The following GPC6 variants were observed in gnomAD, a reference collection of about 807,000 sequenced individuals.
GPC6 encodes the protein glypican-6.
GPC6 carries 14 observed loss-of-function variants against 55.2 expected under a neutral mutation model. That is an observed-to-expected ratio of 0.25 (90% CI 0.17 to 0.40). GPC6 has a LOEUF of 0.40. Among genes scored for constraint, GPC6 ranks in the 10% least tolerant of loss-of-function variants. The pLI is 1.00. For synonymous variants in GPC6, 278 were observed against 259.6 expected, an observed-to-expected ratio of 1.07 and a Z score of -0.68; for missense variants, 641 against 708.5, an observed-to-expected ratio of 0.90 and a Z score of 1.08.
At chr13:94,141,086 A>G (rs1344171471) in intron 4 of GPC6, among the ~76,000 whole-genome samples, 2 of 152,132 alleles carry the variant, frequency 1.3e-5, no homozygotes, top group East Asian at 3.9e-4. Flanking sequence ...CACAGTCTGA[A>G]GAGGTCCTGA....
intron 4 of GPC6, among the ~76,000 whole-genome samples, chr13:94,247,693 G>A (rs1891237437): frequency 6.6e-6 from 1 of 152,066 alleles, no homozygotes; most frequent in South Asian, 2.1e-4. Flanking sequence ...ATGTTTGGGG[G>A]TAAATCCTAC....
chr13:93,544,070 C>G (rs984901409), intron 1 of GPC6, among the ~76,000 whole-genome samples: 11 of 151,348 alleles, frequency 7.3e-5, no homozygotes, highest in Admixed American at 7.3e-4. Flanking sequence ...TCACGGTGAG[C>G]CTTTTTTTTT....
intron 1 of GPC6, among the ~76,000 whole-genome samples, chr13:93,488,114 C>T (rs962411782): frequency 5.9e-5 from 9 of 152,178 alleles, no homozygotes; most frequent in Middle Eastern, 3.4e-3. Flanking sequence ...TGCTATCCCT[C>T]CCCCCTCCTT....
At chr13:93,814,006 A>C (rs1054691304) in intron 2 of GPC6, among the ~76,000 whole-genome samples, 1 of 152,136 alleles carries the variant, frequency 6.6e-6, no homozygotes, top group African/African-American at 2.4e-5. Flanking sequence ...TGACTAACAC[A>C]TTCTAGGTGT....
At chr13:93,459,382 A>G (rs1878595140) in intron 1 of GPC6, among the ~76,000 whole-genome samples, 1 of 152,220 alleles carries the variant, frequency 6.6e-6, no homozygotes, top group Non-Finnish European at 1.5e-5. Flanking sequence ...AATCCTTTTT[A>G]AGGAAAGATC....
rs1044594288 is a variant in GPC6 at position 93,676,939 on chromosome 13, A to G, written c.319+131518A>G. ...CTGTAGATAAGTCAGGATAGAGTGAATTGATTTGCAGACTATTTTAATATG... is the reference window on the plus strand; with the variant it reads ...CTGTAGATAAGTCAGGATAGAGTGAGTTGATTTGCAGACTATTTTAATATG... On this transcript the variant is annotated intron_variant, in intron 2 of 8. Coordinates refer to ENST00000377047, the MANE Select transcript of GPC6 (RefSeq NM_005708.5). Among the ~76,000 whole-genome samples the G allele has an allele frequency of 4.3e-4, 66 of 152,116 alleles. 3 individuals carry two copies. Among genetic ancestry groups the G allele is most frequent in the Admixed American group, 4.3e-3 (66 of 15,268 alleles).
chr13:94,370,634 G>T (rs1398121939), intron 6 of GPC6, among the ~76,000 whole-genome samples: 1 of 152,116 alleles, frequency 6.6e-6, no homozygotes, highest in Non-Finnish European at 1.5e-5. Context: ...GAATGTTATT[G>T]AATTTTTACT....
intron 2 of GPC6, among the ~76,000 whole-genome samples, chr13:93,711,573 T>C (rs755807748): frequency 3.4e-4 from 46 of 133,358 alleles, no homozygotes; most frequent in Non-Finnish European, 7.3e-4. Context: ...TCCCATCTAA[T>C]GTCTTTTTTA....
chr13:93,859,626 C>T (rs1002690422), intron 3 of GPC6, among the ~76,000 whole-genome samples: 1 of 151,630 alleles, frequency 6.6e-6, no homozygotes, highest in African/African-American at 2.4e-5. Flanking sequence ...TATAATTACG[C>T]ATCAGTAGTT....
intron 2 of GPC6, among the ~76,000 whole-genome samples, chr13:93,597,297 A>C (rs1877803072): frequency 6.6e-6 from 1 of 152,226 alleles, no homozygotes; most frequent in Non-Finnish European, 1.5e-5. Context: ...ATCATTATAG[A>C]GATATCAGAG....
At chr13:93,665,933 CTACT>C (rs1566476207) in intron 2 of GPC6, among the ~76,000 whole-genome samples, 1 of 151,924 alleles carries the variant, frequency 6.6e-6, no homozygotes, top group Non-Finnish European at 1.5e-5. Flanking sequence ...TATTGAAAAC[CTACT>C]AAGTCCTCAG....
Position 93,683,506 on chromosome 13 carries a change from G to A in GPC6, c.319+138085G>A, listed in dbSNP as rs549145864. On this transcript the variant is annotated intron_variant, in intron 2 of 8. Coordinates refer to ENST00000377047, the MANE Select transcript of GPC6 (RefSeq NM_005708.5). ...TATACATCTTAACTGGATACTGTTG[G>A]TTTAGTGATTAAAACAGTACGTTAG... is the stretch of plus-strand genomic sequence containing the variant. Among the ~76,000 whole-genome samples, 3 of 152,178 alleles carry A rather than the reference G, an allele frequency of 2.0e-5. No individual in the cohort carries two copies. The East Asian group carries it at 5.8e-4, about 29-fold the overall frequency.
At chr13:93,411,959 T>C (rs1008947628) in intron 1 of GPC6, among the ~76,000 whole-genome samples, 5 of 150,888 alleles carry the variant, frequency 3.3e-5, no homozygotes, top group African/African-American at 1.2e-4. Context: ...GCCAAGATCA[T>C]GCCACTTTAC....
intron 1 of GPC6, among the ~76,000 whole-genome samples, chr13:93,306,082 T>C (rs1012054866): frequency 6.6e-6 from 1 of 152,220 alleles, no homozygotes; most frequent in Non-Finnish European, 1.5e-5. Flanking sequence ...ATGCTGTGTA[T>C]GACACATAAA....
At chr13:93,321,452 G>A (rs772711177) in intron 1 of GPC6, among the ~76,000 whole-genome samples, 2 of 151,766 alleles carry the variant, frequency 1.3e-5, no homozygotes, top group African/African-American at 2.4e-5. Flanking sequence ...ATCTTATCTC[G>A]TGCTGTATAT....
intron 1 of GPC6, among the ~76,000 whole-genome samples, chr13:93,270,626 T>G (rs1224192761): frequency 1.3e-5 from 2 of 151,936 alleles, no homozygotes; most frequent in African/African-American, 4.8e-5. Flanking sequence ...TTTAGAAGCC[T>G]CTTCTGCCTT....
At chr13:93,438,029 A>G (rs918468865) in intron 1 of GPC6, among the ~76,000 whole-genome samples, 1 of 152,194 alleles carries the variant, frequency 6.6e-6, no homozygotes, top group Admixed American at 6.5e-5. Flanking sequence ...ACTGTGTTCT[A>G]TAAGTGGAAC....
chr13:93,931,635 G>A (rs551454401), intron 3 of GPC6, among the ~76,000 whole-genome samples: 6 of 151,886 alleles, frequency 4.0e-5, no homozygotes, highest in African/African-American at 1.4e-4. Flanking sequence ...GTGGTGGCGG[G>A]CACCTGTAAT....
At chr13:93,264,279 C>T (rs1460330175) in intron 1 of GPC6, among the ~76,000 whole-genome samples, 8 of 152,298 alleles carry the variant, frequency 5.3e-5, no homozygotes, top group South Asian at 2.1e-4. Context: ...AGATATCCCT[C>T]GGTATCCATA....
Sources: allele counts gnomAD v4.1 joint callset (sites outside exome capture counted in the v4.1 genomes callset), GRCh38; gene constraint gnomAD v4.1.1; transcripts MANE v1.5; gene names NCBI Gene and HGNC (gene_info 2026-07-23, HGNC 2026-07-21).